ELP2: variants seen among roughly 807,000 people sequenced by gnomAD.
ELP2 encodes elongator complex protein 2.
In ELP2, 90 loss-of-function variants were observed where a neutral mutation model predicts 119.2. The ratio of observed to expected loss-of-function variants is 0.75; its 90% confidence interval spans 0.64 to 0.90. The LOEUF (loss-of-function observed/expected upper bound fraction) is 0.90, where lower values mean the gene tolerates loss of function less well. Ranked by LOEUF, ELP2 falls within the 40% of genes least tolerant of loss-of-function variation. The probability of loss-of-function intolerance (pLI) is 0.00; values close to 1 mark genes in which losing one functional copy is unlikely to be tolerated. For missense variants in ELP2, 921 were observed against 967.8 expected (o/e 0.95, Z 0.64); for synonymous variants, 339 against 331.0 (o/e 1.02, Z -0.26).
intron 18 of ELP2, 107 bp from the exon 19 acceptor site, chr18:36,166,994 A>C: frequency 1.7e-6 from 2 of 1,195,400 alleles, no homozygotes; most frequent in Non-Finnish European, 2.3e-6. Context: ...GTGCATATAA[A>C]TTGAATATTA....
chr18:36,136,762 A>G (rs2089840903), intron 3 of ELP2: 1 of 175,758 alleles, frequency 5.7e-6, no homozygotes, highest in African/African-American at 2.4e-5. Context: ...CTACTCCCAT[A>G]TTTGTATGCT....
intron 4 of ELP2, 48 bp downstream of exon 4, chr18:36,138,474 A>ATTT: frequency 6.3e-7 from 1 of 1,586,808 alleles, no homozygotes; most frequent in East Asian, 2.2e-5. Flanking sequence ...AATATTTAAC[A>ATTT]AATGAATGAC....
intron 5 of ELP2, 34 bp from the exon 6 acceptor site, chr18:36,141,103 A>AACTC: frequency 6.4e-7 from 1 of 1,561,962 alleles, no homozygotes; most frequent in Non-Finnish European, 8.8e-7. Flanking sequence ...TGGAATAGAG[A>AACTC]ACTCACAGTG....
chr18:36,140,612 A>T (rs868284941), intron 5 of ELP2, among the ~76,000 whole-genome samples: 27 of 152,098 alleles, frequency 1.8e-4, no homozygotes, highest in Non-Finnish European at 2.9e-4. Flanking sequence ...CTCCCAAAGG[A>T]TAACGCCCTA....
chr18:36,154,842 C>T lies in ELP2; in HGVS notation c.1126-8C>T, dbSNP rs2090510720. 3 of 1,613,862 alleles carry T rather than the reference C, an allele frequency of 1.9e-6. No individual in the cohort carries two copies. The highest frequency in any genetic ancestry group is 2.2e-5 in the South Asian group (2 of 91,082). On this transcript the variant is annotated splice_region_variant and splice_polypyrimidine_tract_variant and intron_variant, in intron 11 of 21. Coordinates refer to ENST00000358232, the MANE Select transcript of ELP2 (RefSeq NM_018255.4). The stretch of plus-strand genomic sequence containing the variant: ...TTTTGATATGTGATATGAGCACTTC[C>T]ATTGCAGAGAGAGTGGACTCCAGAG...
rs933316072 is a variant in ELP2, at chr18:36,143,266, C to T, written c.796+300C>T. 4.6e-5 allele frequency among the ~76,000 whole-genome samples: 7 copies of T among 151,932 alleles called. No individual in the cohort carries two copies. The South Asian group carries it at 1.0e-3, about 23-fold the overall frequency. Reference sequence around the variant, plus strand: ...TTCCAAGTAGCTGGGATTACAGGCACGCACCACCACGCCTGGCTAACTTTT... The same window carrying T: ...TTCCAAGTAGCTGGGATTACAGGCATGCACCACCACGCCTGGCTAACTTTT... On this transcript the variant is annotated intron_variant, in intron 8 of 21. Coordinates refer to ENST00000358232, the MANE Select transcript of ELP2 (RefSeq NM_018255.4).
At chr18:36,131,219 T>A (rs891837448) in intron 1 of ELP2, among the ~76,000 whole-genome samples, 2 of 152,202 alleles carry the variant, frequency 1.3e-5, no homozygotes, top group Non-Finnish European at 2.9e-5. Context: ...AATATATATA[T>A]GAAATATTTG....
At chr18:36,170,008 T>C in intron 19 of ELP2, 55 bp from the exon 20 acceptor site, 1 of 1,612,880 alleles carries the variant, frequency 6.2e-7, no homozygotes, top group East Asian at 2.2e-5. Flanking sequence ...CTGTAGTACA[T>C]GGCTAGAAAC....
chr18:36,170,747 A>G (rs946959181), intron 20 of ELP2: 3 of 449,862 alleles, frequency 6.7e-6, no homozygotes, highest in East Asian at 4.4e-5. Flanking sequence ...ATCTAGGACT[A>G]TAATACTTTC....
rs146054918 is a variant in ELP2, at chr18:36,133,243, G to C, written c.144G>C (p.Arg48Ser). The C allele has an allele frequency of 3.8e-5, 61 of 1,611,060 alleles. No individual in the cohort carries two copies. The highest frequency in any genetic ancestry group is 4.8e-5 in the Non-Finnish European group (57 of 1,177,426). The change falls in exon 2 of 22, where the codon AGG (arginine) becomes AGC (serine). Residue 48 changes from arginine to serine, a missense_variant. Coordinates refer to ENST00000358232, the MANE Select transcript of ELP2 (RefSeq NM_018255.4). Reference sequence around the variant, plus strand: ...CTGTATTTTCTTCTCTAAAGAAAAGGGTTGTTGTTACCAACTTGAATGGTC... The same window carrying C: ...CTGTATTTTCTTCTCTAAAGAAAAGCGTTGTTGTTACCAACTTGAATGGTC... ...CSVVLYDPLK[R>S]VVVTNLNGHT... is the part of the protein sequence containing the mutation.
In ELP2 at chr18:36,175,282, G is replaced by T. The variant is rs572600519; in HGVS notation, c.*641G>T. On this transcript the variant is annotated 3_prime_UTR_variant, in exon 22 of 22. Coordinates refer to ENST00000358232, the MANE Select transcript of ELP2 (RefSeq NM_018255.4). Reference sequence around the variant, plus strand: ...TTCCTTATTTATTGCCCTCTTCAGAGAGTAGATGTAGAAAATAAAGAGAGG... The same window carrying T: ...TTCCTTATTTATTGCCCTCTTCAGATAGTAGATGTAGAAAATAAAGAGAGG... The T allele has an allele frequency of 1.3e-5, 2 of 152,218 alleles. No homozygotes were observed. The highest frequency in any genetic ancestry group is 4.8e-5 in the African/African-American group (2 of 41,482). The allele number at this position is 152,218 out of a possible 1,614,324, so 9.4% of individuals were successfully genotyped here. A position where few individuals can be genotyped will look rare whatever the true frequency, so the allele number is the denominator to read the frequency against.
rs1234251647 is a variant in ELP2 at position 36,179,551 on chromosome 18, T to C, written c.*4910T>C. On this transcript the variant is annotated 3_prime_UTR_variant, in exon 22 of 22. Transcript: ENST00000358232. ...ACACCAGAGTGAAGGAGAGAGGCCA[T>C]GCTGTGTCCGAGAAGCTCCTACTGG... The C allele has an allele frequency of 1.3e-5, 2 of 148,912 alleles. No homozygotes were observed. The highest frequency in any genetic ancestry group is 3.0e-5 in the Non-Finnish European group (2 of 67,620). The allele number at this position is 148,912 out of a possible 1,614,324, so 9.2% of individuals were successfully genotyped here. A position where few individuals can be genotyped will look rare whatever the true frequency, so the allele number is the denominator to read the frequency against.
chr18:36,161,915 T>C (rs988067085), intron 17 of ELP2, among the ~76,000 whole-genome samples: 21 of 152,268 alleles, frequency 1.4e-4, no homozygotes, highest in African/African-American at 4.3e-4. Flanking sequence ...GTAGTTCAAA[T>C]GTCTGGGCTT....
chr18:36,140,793 C>T (rs987197011), intron 5 of ELP2, among the ~76,000 whole-genome samples: 2 of 152,186 alleles, frequency 1.3e-5, no homozygotes, highest in Non-Finnish European at 2.9e-5. Flanking sequence ...ATTTAGTTGT[C>T]TTAACAACTT....
At chr18:36,150,779 A>G (rs544404331) in intron 11 of ELP2, among the ~76,000 whole-genome samples, 1 of 152,340 alleles carries the variant, frequency 6.6e-6, no homozygotes, top group South Asian at 2.1e-4. Flanking sequence ...GGTAGGGGAA[A>G]CATTCCCCAA....
rs60477950 is a variant in ELP2 at position 36,166,319 on chromosome 18, G to GTTTTTTTTTTTTTTTTTTTT, written c.1955-773_1955-754dup. The stretch of plus-strand genomic sequence containing the variant: ...AGTTATGTGGTTTTTGTTTTTTAGG[G>GTTTTTTTTTTTTTTTTTTTT]TTTTTTTTTTTTTTTTTTTTTTTTT... On this transcript the variant is annotated intron_variant, in intron 18 of 21. Transcript: ENST00000358232. 2.8e-5 allele frequency among the ~76,000 whole-genome samples: 2 copies of GTTTTTTTTTTTTTTTTTTTT among 71,650 alleles called. 1 individual carries two copies. The highest frequency in any genetic ancestry group is 5.1e-5 in the Non-Finnish European group (2 of 39,304). The allele number at this position is 71,650 out of a possible 152,430, so 47.0% of individuals were successfully genotyped here.
intron 12 of ELP2, among the ~76,000 whole-genome samples, chr18:36,155,204 G>T (rs1024254086): frequency 5.3e-5 from 8 of 150,082 alleles, no homozygotes; most frequent in Admixed American, 4.7e-4. Flanking sequence ...GTAGAGATGG[G>T]GTTTCACCAT....
At chr18:36,164,791 C>T (rs953479788) in intron 18 of ELP2, 124 bp downstream of exon 18, 11 of 931,430 alleles carry the variant, frequency 1.2e-5, no homozygotes, top group Non-Finnish European at 1.7e-5. Context: ...TCTTTGAAGC[C>T]TTTCAAAGTT....
chr18:36,158,732 C>A, intron 13 of ELP2, 103 bp from the exon 14 acceptor site: 2 of 791,054 alleles, frequency 2.5e-6, no homozygotes, highest in Non-Finnish European at 4.3e-6. Flanking sequence ...CATTTATGAG[C>A]GTGACTTTTT....
Sources: gnomAD v4.1 joint callset for allele counts (sites outside exome capture counted in the v4.1 genomes callset) on GRCh38, gnomAD v4.1.1 for gene constraint, MANE v1.5 for transcripts, NCBI Gene and HGNC (gene_info 2026-07-23, HGNC 2026-07-21) for gene names.